PCCA: variants seen among roughly 807,000 people sequenced by gnomAD.
The protein encoded by PCCA is propionyl-CoA carboxylase alpha chain, mitochondrial.
Under a neutral mutation model 101.3 loss-of-function variants are expected in PCCA, and 74 were observed. The ratio of observed to expected loss-of-function variants is 0.73; its 90% CI spans 0.61 to 0.89. The LOEUF (loss-of-function observed/expected upper bound fraction) is 0.89, where lower values mean the gene tolerates loss of function less well. PCCA is among the 40% of genes least tolerant of loss of function. The pLI is 0.00. For missense variants in PCCA, 891 were observed against 907.0 expected (o/e 0.98, Z 0.23); for synonymous variants, 294 against 313.6 (o/e 0.94, Z 0.66).
At chr13:100,253,797 C>A (rs1412173649) in intron 8 of PCCA, among the ~76,000 whole-genome samples, 2 of 150,530 alleles carry the variant, frequency 1.3e-5, no homozygotes, top group Non-Finnish European at 2.9e-5. Context: ...TAGCAGTAAG[C>A]ATCCCATGAG....
chr13:100,133,574 GT>G (rs1235351956), intron 4 of PCCA, among the ~76,000 whole-genome samples: 3 of 152,060 alleles, frequency 2.0e-5, no homozygotes, highest in Non-Finnish European at 4.4e-5. Flanking sequence ...TTTGCAGTCG[GT>G]TTTTTTGTTT....
chr13:100,460,731 T>C (rs934514892), intron 21 of PCCA, among the ~76,000 whole-genome samples: 50 of 152,356 alleles, frequency 3.3e-4, no homozygotes, highest in African/African-American at 1.2e-3. Flanking sequence ...AATATGACCC[T>C]TGATACACCA....
chr13:100,489,593 A>G (rs1407930426), intron 21 of PCCA, among the ~76,000 whole-genome samples: 1 of 152,270 alleles, frequency 6.6e-6, no homozygotes, highest in South Asian at 2.1e-4. Flanking sequence ...GCACATATGT[A>G]TACTAAAATA....
At chr13:100,416,187 A>C (rs1286681939) in intron 19 of PCCA, among the ~76,000 whole-genome samples, 3 of 150,636 alleles carry the variant, frequency 2.0e-5, no homozygotes, top group African/African-American at 7.3e-5. Flanking sequence ...GACATAAATC[A>C]TGGTTTTTTT....
intron 12 of PCCA, among the ~76,000 whole-genome samples, chr13:100,291,728 A>G (rs2065140674): frequency 6.6e-6 from 1 of 152,202 alleles, no homozygotes; most frequent in Admixed American, 6.5e-5. Context: ...TATGTCTCCT[A>G]GCATTCTCAT....
chr13:100,172,547 T>C, intron 6 of PCCA, among the ~76,000 whole-genome samples: 1 of 152,210 alleles, frequency 6.6e-6, no homozygotes, highest in East Asian at 1.9e-4. Flanking sequence ...TTTATTATCA[T>C]TCCTGCCGTC....
intron 18 of PCCA, among the ~76,000 whole-genome samples, chr13:100,352,996 C>A (rs2073462252): frequency 6.6e-6 from 1 of 152,178 alleles, no homozygotes. Context: ...GGATTACAGG[C>A]ATGAGCTGCC....
At chr13:100,503,432 G>A (rs980335213) in intron 21 of PCCA, among the ~76,000 whole-genome samples, 2 of 152,194 alleles carry the variant, frequency 1.3e-5, no homozygotes, top group Non-Finnish European at 2.9e-5. Context: ...GGAGGTTGTG[G>A]TGAGCCGAGG....
chr13:100,165,167 T>C (rs1223411802), intron 6 of PCCA, among the ~76,000 whole-genome samples: 1 of 152,186 alleles, frequency 6.6e-6, no homozygotes, highest in Non-Finnish European at 1.5e-5. Flanking sequence ...TCCCTGCTTT[T>C]GCTTCTTTTT....
intron 19 of PCCA, among the ~76,000 whole-genome samples, chr13:100,412,065 T>C (rs2078087001): frequency 6.6e-6 from 1 of 152,240 alleles, no homozygotes; most frequent in Admixed American, 6.5e-5. Context: ...ATTAGGGCTA[T>C]TAGAATTTGA....
At chr13:100,352,627 C>T (rs1309937850) in intron 18 of PCCA, among the ~76,000 whole-genome samples, 1 of 152,026 alleles carries the variant, frequency 6.6e-6, no homozygotes, top group Admixed American at 6.6e-5. Flanking sequence ...CTCCTGGGCT[C>T]AAGTGATCCT....
At chr13:100,492,674 C>T (rs2084991377) in intron 21 of PCCA, among the ~76,000 whole-genome samples, 1 of 151,168 alleles carries the variant, frequency 6.6e-6, no homozygotes, top group Admixed American at 6.6e-5. Flanking sequence ...CCAAATGTTG[C>T]CTTTTGGCTC....
chr13:100,233,110 CAT>C (rs1470859719), intron 7 of PCCA, among the ~76,000 whole-genome samples: 2 of 152,154 alleles, frequency 1.3e-5, no homozygotes, highest in Non-Finnish European at 2.9e-5. Flanking sequence ...TGTGTTCACT[CAT>C]GTGGGTATAT....
intron 7 of PCCA, among the ~76,000 whole-genome samples, chr13:100,210,467 G>A (rs928532181): frequency 6.6e-6 from 1 of 152,214 alleles, no homozygotes. Context: ...GAGTTTCTCT[G>A]TATATCTTTA....
At chr13:100,253,353 T>C (rs1227297508) in intron 8 of PCCA, among the ~76,000 whole-genome samples, 1 of 152,222 alleles carries the variant, frequency 6.6e-6, no homozygotes, top group Non-Finnish European at 1.5e-5. Context: ...GGGAGTTTTC[T>C]GAATCGTTGG....
rs559584666 is a variant in PCCA at position 100,494,083 on chromosome 13, G to C, written c.1900-21344G>C. ...GCACGCCTGTAATCCCAGCTACTCA[G>C]GAGGCTGAGGCGGGAGAAGGGCTTG... is the stretch of plus-strand genomic sequence containing the variant. On this transcript the variant is annotated intron_variant, in intron 21 of 23. Transcript: ENST00000376285. Among the ~76,000 whole-genome samples, 14 of 152,214 alleles carry C rather than the reference G, an allele frequency of 9.2e-5. No individual in the cohort carries two copies. In the East Asian group the frequency reaches 2.7e-3, roughly 29 times the overall value.
At chr13:100,516,304 G>C (rs2086825374) in intron 22 of PCCA, among the ~76,000 whole-genome samples, 1 of 152,210 alleles carries the variant, frequency 6.6e-6, no homozygotes, top group Non-Finnish European at 1.5e-5. Flanking sequence ...GGACATGACT[G>C]TCTCTCATGG....
intron 21 of PCCA, among the ~76,000 whole-genome samples, chr13:100,505,554 A>C (rs936363521): frequency 6.6e-6 from 1 of 152,236 alleles, no homozygotes; most frequent in African/African-American, 2.4e-5. Context: ...CCTACAATAC[A>C]TGATTTTAAA....
At chr13:100,496,177 T>G (rs2085264024) in intron 21 of PCCA, among the ~76,000 whole-genome samples, 1 of 152,242 alleles carries the variant, frequency 6.6e-6, no homozygotes, top group Admixed American at 6.5e-5. Context: ...TACAAACCTT[T>G]CAAATTTTGC....
Sources: allele counts gnomAD v4.1 joint callset (sites outside exome capture counted in the v4.1 genomes callset), GRCh38; gene constraint gnomAD v4.1.1; transcripts MANE v1.5; gene names NCBI Gene and HGNC (gene_info 2026-07-23, HGNC 2026-07-21).